STARD7: variants seen among roughly 807,000 people sequenced by gnomAD.
STARD7 encodes stAR-related lipid transfer protein 7, mitochondrial.
A neutral mutation model predicts 45.3 loss-of-function variants in STARD7; 30 were observed. That is an observed-to-expected ratio of 0.66 (90% CI 0.50 to 0.90). The LOEUF (loss-of-function observed/expected upper bound fraction) is 0.90. STARD7 is among the 40% of genes least tolerant of loss of function. The pLI is 0.00. For synonymous variants in STARD7, 199 were observed against 183.0 expected (o/e 1.09, Z -0.70); for missense variants, 495 against 491.3 (o/e 1.01, Z -0.07).
chr2:96,189,856 G>C (rs1683099185), intron 6 of STARD7, among the ~76,000 whole-genome samples: 2 of 152,098 alleles, frequency 1.3e-5, no homozygotes, highest in South Asian at 2.1e-4. Context: ...AGTTGTGTTA[G>C]GGTTCCTGGG....
At chr2:96,198,331 A>AC (rs1683256231) in intron 1 of STARD7, among the ~76,000 whole-genome samples, 3 of 152,180 alleles carry the variant, frequency 2.0e-5, no homozygotes, top group Admixed American at 6.5e-5. Flanking sequence ...AAAAAAAAAA[A>AC]AAAGAATACT....
intron 2 of STARD7, 66 bp from the exon 3 acceptor site, chr2:96,195,073 C>T (rs1434650964): frequency 7.0e-7 from 1 of 1,420,166 alleles, no homozygotes; most frequent in African/African-American, 1.4e-5. Flanking sequence ...TTTCTTTCAC[C>T]TAGCGGCGTT....
chr2:96,202,463 T>C (rs533125358), intron 1 of STARD7, among the ~76,000 whole-genome samples: 16 of 152,136 alleles, frequency 1.1e-4, no homozygotes, highest in African/African-American at 3.6e-4. Context: ...TGCAAAACCA[T>C]AGAGAAACAG....
In STARD7 at chr2:96,208,445, G is replaced by A; in HGVS notation, c.-11C>T. On this transcript the variant is annotated 5_prime_UTR_variant, in exon 1 of 8. Transcript: ENST00000337288. ...CCTCCGCGGGAGCATGCCGCCTCCC[G>A]CAGGGCCCGCCGCGAGCTTCCGGGG... The A allele has an allele frequency of 1.7e-5, 23 of 1,360,642 alleles. No individual in the cohort carries two copies. Among genetic ancestry groups the A allele is most frequent in the Non-Finnish European group, 2.2e-5 (23 of 1,066,784 alleles). The allele number at this position is 1,360,642 out of a possible 1,614,324, so 84.3% of individuals were successfully genotyped here.
At position 96,193,063 on chromosome 2, in the gene STARD7, G is replaced by A. The variant is rs879772787; in HGVS notation, c.743+15C>T. 4.4e-6 allele frequency: 7 copies of A among 1,602,122 alleles called. No individual in the cohort carries two copies. Among genetic ancestry groups the A allele is most frequent in the Non-Finnish European group, 6.0e-6 (7 of 1,169,944 alleles). On this transcript the variant is annotated intron_variant, in intron 5 of 7. Transcript: ENST00000337288. ...CTAAAGGAACTCGGCAACAGCCACAGGCAGCCATACATACCGCGACACCAA... is the reference window on the plus strand; with the variant it reads ...CTAAAGGAACTCGGCAACAGCCACAAGCAGCCATACATACCGCGACACCAA...
In STARD7 at chr2:96,186,005, C is replaced by T. The variant is rs989710510; in HGVS notation, c.*725G>A. On this transcript the variant is annotated 3_prime_UTR_variant, in exon 8 of 8. Coordinates refer to ENST00000337288, the MANE Select transcript of STARD7 (RefSeq NM_020151.4). ...ATCCAATGAATATAGAAGAACTGGC[C>T]GATTCACAGGAAACTTGCTTTGGAT... 4 of 151,982 alleles carry T rather than the reference C, an allele frequency of 2.6e-5. No homozygotes were observed. Among genetic ancestry groups the T allele is most frequent in the Non-Finnish European group, 5.9e-5 (4 of 67,998 alleles). 9.4% of individuals were successfully genotyped at this position (151,982 alleles called of 1,614,324 possible). A position where few individuals can be genotyped will look rare whatever the true frequency, so the allele number is the denominator to read the frequency against.
intron 6 of STARD7, among the ~76,000 whole-genome samples, chr2:96,191,414 C>A (rs187700901): frequency 2.0e-5 from 3 of 152,246 alleles, no homozygotes; most frequent in Non-Finnish European, 4.4e-5. Context: ...ATGATAAAAA[C>A]CCCCTACCTT....
At chr2:96,200,515 A>G (rs1683289192) in intron 1 of STARD7, among the ~76,000 whole-genome samples, 1 of 152,214 alleles carries the variant, frequency 6.6e-6, no homozygotes, top group African/African-American at 2.4e-5. Flanking sequence ...TTGGGGAAAA[A>G]TAAGAATACA....
chr2:96,192,229 T>C (rs1558734222), intron 6 of STARD7, 140 bp downstream of exon 6: 1 of 682,774 alleles, frequency 1.5e-6, no homozygotes, highest in South Asian at 1.7e-5. Flanking sequence ...CAAAAAATGG[T>C]TCCCAGACCA....
rs138719942 is a variant in STARD7 at position 96,187,246 on chromosome 2, C to T, written c.899G>A (p.Arg300His). 1.4e-4 allele frequency: 230 copies of T among 1,613,678 alleles called. No individual in the cohort carries two copies. Among genetic ancestry groups the T allele is most frequent in the Non-Finnish European group, 1.8e-4 (208 of 1,179,756 alleles). Residue 300 changes from arginine (R) to histidine (H), a missense_variant, in exon 7 of 8, where the codon CGC becomes CAC. Physicochemically the swap from Arg to His is conservative, Grantham distance 29 (BLOSUM62 0). Around this residue, in one of 2 missense-constraint regions of STARD7, gnomAD observed 213 missense variants for 271.2 expected, o/e 0.79. Coordinates refer to ENST00000337288, the MANE Select transcript of STARD7 (RefSeq NM_020151.4). Reference protein sequence around the residue: ...YSDNPQTVFPRYCVSWMVSSG... With the variant: ...YSDNPQTVFPHYCVSWMVSSG... ...GGAAACCATCCAACTAACACAGTAG[C>T]GAGGAAACACCGTTTGGGGATTGTC...
chr2:96,195,792 C>A (rs141197677), intron 1 of STARD7, among the ~76,000 whole-genome samples: 1 of 151,996 alleles, frequency 6.6e-6, no homozygotes, highest in Admixed American at 6.6e-5. Context: ...AATAATAGTA[C>A]CTATCTCGAG....
At position 96,208,134 on chromosome 2, in the gene STARD7, G is replaced by C. The variant is rs777807987; in HGVS notation, c.290+11C>G. 5.9e-6 allele frequency: 9 copies of C among 1,530,526 alleles called. No homozygotes were observed. The East Asian group carries it at 2.0e-4, about 34-fold the overall frequency. 94.8% of individuals were successfully genotyped at this position (1,530,526 alleles called of 1,614,324 possible). ...CCCCACGGCCCAGAAAGAGCTCGCC[G>C]CAGCGCCCACCTCTGCAACTCCTCC... On this transcript the variant is annotated intron_variant, in intron 1 of 7. Coordinates refer to ENST00000337288, the MANE Select transcript of STARD7 (RefSeq NM_020151.4).
chr2:96,186,794 G>T lies in STARD7; in HGVS notation c.1049C>A (p.Thr350Asn). ...PLEMSSEAKA[T>N]SQSSERKNEG... is the part of the protein sequence containing the mutation. ...GTTCTTTCGCTCAGAGGACTGGCTGGTGGCCTTGGCTTCACTACTCATTTC... is the reference window on the plus strand; with the variant it reads ...GTTCTTTCGCTCAGAGGACTGGCTGTTGGCCTTGGCTTCACTACTCATTTC... Residue 350 changes from threonine to asparagine, a missense_variant, in exon 8 of 8, where the codon ACC (threonine) becomes AAC (asparagine). By Grantham distance (65) the Thr-to-Asn change is moderately conservative. This residue lies in a region of STARD7 where 213 missense variants were observed against 271.2 expected (regional missense o/e 0.79). Transcript: ENST00000337288. The T allele has an allele frequency of 1.2e-6, 2 of 1,613,986 alleles. No homozygotes were observed. The highest frequency in any genetic ancestry group is 2.7e-5 in the African/African-American group (2 of 75,072).
chr2:96,193,548 G>A (rs1683158635), intron 3 of STARD7, among the ~76,000 whole-genome samples, 196 bp from the exon 4 acceptor site: 1 of 152,158 alleles, frequency 6.6e-6, no homozygotes, highest in Non-Finnish European at 1.5e-5. Flanking sequence ...CCTTATACAG[G>A]CTAATGTCAT....
Position 96,185,635 on chromosome 2 carries a change from A to G in STARD7, c.*1095T>C, listed in dbSNP as rs1683023770. ...GTAACATAAACCAAATCTCCACTGT[A>G]TTAGTATTTGAGACAAGATTACATC... On this transcript the variant is annotated 3_prime_UTR_variant, in exon 8 of 8. Transcript: ENST00000337288. 6.6e-6 allele frequency: 1 copy of G among 152,214 alleles called. No individual in the cohort carries two copies. 9.4% of individuals were successfully genotyped at this position (152,214 alleles called of 1,614,324 possible).
intron 6 of STARD7, among the ~76,000 whole-genome samples, chr2:96,189,649 T>C (rs573738591): frequency 2.8e-4 from 41 of 145,198 alleles, no homozygotes; most frequent in African/African-American, 1.0e-3. Flanking sequence ...AGGTTGCAAG[T>C]GAGCCAAGAT....
At chr2:96,207,272 C>A (rs1308772640) in intron 1 of STARD7, among the ~76,000 whole-genome samples, 1 of 152,148 alleles carries the variant, frequency 6.6e-6, no homozygotes, top group East Asian at 1.9e-4. Context: ...GAGGAAATAT[C>A]AAGAATAAAC....
At chr2:96,190,767 C>G (rs1239451467) in intron 6 of STARD7, among the ~76,000 whole-genome samples, 1 of 152,142 alleles carries the variant, frequency 6.6e-6, no homozygotes, top group East Asian at 1.9e-4. Context: ...CTCAGCTTCC[C>G]AAGCAGCTGG....
chr2:96,204,609 C>T (rs778043768), intron 1 of STARD7, among the ~76,000 whole-genome samples: 27 of 152,240 alleles, frequency 1.8e-4, no homozygotes, highest in Admixed American at 3.3e-4. Flanking sequence ...TCAATTAGCT[C>T]ATTGCAGTTC....
Sources: gnomAD v4.1 joint callset for allele counts (sites outside exome capture counted in the v4.1 genomes callset) on GRCh38, gnomAD v4.1.1 for gene constraint, gnomAD v4.1.1 regional missense constraint, MANE v1.5 for transcripts, NCBI Gene and HGNC (gene_info 2026-07-23, HGNC 2026-07-21) for gene names.